Variants in DTD1 observed in about 807,000 individuals in gnomAD.
DTD1 encodes the protein D-aminoacyl-tRNA deacylase 1.
Under a neutral mutation model 25.6 loss-of-function variants are expected in DTD1, and 13 were observed. That is an observed-to-expected ratio of 0.51 (90% confidence interval 0.33 to 0.81). The LOEUF is 0.81. Among genes scored for constraint, DTD1 ranks in the 30% least tolerant of loss-of-function variants. The pLI is 0.02. For synonymous variants in DTD1, 110 were observed against 103.6 expected (o/e 1.06, Z -0.37); for missense variants, 193 against 266.4 (o/e 0.72, Z 1.92).
intron 4 of DTD1, among the ~76,000 whole-genome samples, chr20:18,720,052 G>T (rs1293562894): frequency 7.2e-5 from 11 of 152,192 alleles, no homozygotes; most frequent in Admixed American, 7.2e-4. Context: ...TATAAAAGGA[G>T]AACTGTTTGG....
At chr20:18,635,232 A>T (rs980866361) in intron 4 of DTD1, among the ~76,000 whole-genome samples, 8 of 152,250 alleles carry the variant, frequency 5.3e-5, no homozygotes, top group South Asian at 2.1e-4. Context: ...TTTATTGAAC[A>T]AACGCTGACT....
intron 4 of DTD1, among the ~76,000 whole-genome samples, chr20:18,638,536 A>C (rs2060817142): frequency 6.6e-6 from 1 of 152,106 alleles, no homozygotes; most frequent in South Asian, 2.1e-4. Context: ...TGCCAGACAG[A>C]GGGGTCAGCA....
At chr20:18,691,197 G>A (rs181328960) in intron 4 of DTD1, among the ~76,000 whole-genome samples, 3 of 152,338 alleles carry the variant, frequency 2.0e-5, no homozygotes, top group African/African-American at 7.2e-5. Context: ...GTGGAAAGCA[G>A]TTTGGAGATT....
At chr20:18,715,764 A>C (rs1028091992) in intron 4 of DTD1, among the ~76,000 whole-genome samples, 4 of 152,192 alleles carry the variant, frequency 2.6e-5, no homozygotes, top group Admixed American at 2.0e-4. Context: ...AACATTTCCC[A>C]TAAACTCTAA....
At chr20:18,752,552 C>T (rs1184803773) in intron 5 of DTD1, among the ~76,000 whole-genome samples, 1 of 152,072 alleles carries the variant, frequency 6.6e-6, no homozygotes, top group East Asian at 1.9e-4. Context: ...TTGGAGTTTC[C>T]GTCTCTCTGC....
intron 4 of DTD1, among the ~76,000 whole-genome samples, chr20:18,726,530 T>C (rs560911258): frequency 6.6e-6 from 1 of 152,288 alleles, no homozygotes; most frequent in Admixed American, 6.5e-5. Flanking sequence ...TCAGCTGCCT[T>C]CACCAAAATT....
chr20:18,718,473 C>T (rs576764300), intron 4 of DTD1, among the ~76,000 whole-genome samples: 1 of 152,280 alleles, frequency 6.6e-6, no homozygotes, highest in Non-Finnish European at 1.5e-5. Flanking sequence ...GACATGTTTA[C>T]ATTTGGAAAA....
intron 4 of DTD1, among the ~76,000 whole-genome samples, chr20:18,665,046 A>G (rs1404110178): frequency 2.0e-5 from 3 of 152,206 alleles, no homozygotes; most frequent in Non-Finnish European, 4.4e-5. Context: ...TCCTATTTAT[A>G]TGTATCTCGG....
chr20:18,664,509 T>A (rs555349955), intron 4 of DTD1, among the ~76,000 whole-genome samples: 1 of 152,092 alleles, frequency 6.6e-6, no homozygotes, highest in Non-Finnish European at 1.5e-5. Context: ...TGATGGGAAA[T>A]TCTACAGCAG....
intron 4 of DTD1, among the ~76,000 whole-genome samples, chr20:18,731,494 ACT>A (rs1198964076): frequency 5.9e-5 from 9 of 152,198 alleles, no homozygotes; most frequent in African/African-American, 1.4e-4. Flanking sequence ...GAAAAATAAC[ACT>A]CTCTGCCTGT....
At chr20:18,613,342 G>A (rs918513177) in intron 3 of DTD1, among the ~76,000 whole-genome samples, 3 of 152,176 alleles carry the variant, frequency 2.0e-5, no homozygotes, top group African/African-American at 7.2e-5. Context: ...CTGCCACAGC[G>A]TGGTAACATT....
chr20:18,664,365 T>C (rs1311255143), intron 4 of DTD1, among the ~76,000 whole-genome samples: 2 of 152,244 alleles, frequency 1.3e-5, no homozygotes, highest in African/African-American at 2.4e-5. Flanking sequence ...GAAAGTGTTC[T>C]TCCCACTCAT....
intron 4 of DTD1, among the ~76,000 whole-genome samples, chr20:18,703,802 A>G (rs1475686591): frequency 2.0e-5 from 3 of 151,906 alleles, no homozygotes; most frequent in Non-Finnish European, 4.4e-5. Flanking sequence ...CTGAAGATAC[A>G]TACTAACTGA....
chr20:18,728,848 G>C (rs1351901231), intron 4 of DTD1, among the ~76,000 whole-genome samples: 2 of 152,178 alleles, frequency 1.3e-5, no homozygotes, highest in Non-Finnish European at 2.9e-5. Context: ...AGATGGCTCT[G>C]AGCATTGCAT....
intron 4 of DTD1, among the ~76,000 whole-genome samples, chr20:18,727,127 C>T (rs1352447885): frequency 1.3e-5 from 2 of 152,188 alleles, no homozygotes; most frequent in Non-Finnish European, 2.9e-5. Context: ...GACTTGGCCG[C>T]GTGCCTGGAG....
At chr20:18,595,176 T>C (rs2060605442) in intron 2 of DTD1, among the ~76,000 whole-genome samples, 1 of 152,234 alleles carries the variant, frequency 6.6e-6, no homozygotes, top group African/African-American at 2.4e-5. Context: ...AAGGAGCTTG[T>C]GACATAGTTT....
intron 3 of DTD1, among the ~76,000 whole-genome samples, chr20:18,601,073 C>T (rs1240603312): frequency 6.6e-6 from 1 of 152,110 alleles, no homozygotes; most frequent in Non-Finnish European, 1.5e-5. Flanking sequence ...GACTTCCAGT[C>T]CGGTGTTGGA....
chr20:18,632,321 C>T (rs968538235), intron 4 of DTD1: 1 of 985,456 alleles, frequency 1.0e-6, no homozygotes, highest in African/African-American at 1.7e-5. Flanking sequence ...TTTACATGGA[C>T]CAGTTTCCTG....
chr20:18,662,418 G>A (rs1047553744), intron 4 of DTD1, among the ~76,000 whole-genome samples: 5 of 152,292 alleles, frequency 3.3e-5, no homozygotes, highest in Admixed American at 3.3e-4. Context: ...ACCATGCCCA[G>A]CTGGGGGTGG....
Sources: gnomAD v4.1 joint callset for allele counts (sites outside exome capture counted in the v4.1 genomes callset) on GRCh38, gnomAD v4.1.1 for gene constraint, MANE v1.5 for transcripts, NCBI Gene and HGNC (gene_info 2026-07-23, HGNC 2026-07-21) for gene names.